PCDH15: variants seen among roughly 807,000 people sequenced by gnomAD.
PCDH15 encodes the protein protocadherin related 15, also known as protocadherin-15.
A neutral mutation model predicts 178.5 loss-of-function variants in PCDH15; 129 were observed. The observed-to-expected ratio is 0.72, with a 90% CI of 0.63 to 0.84. The LOEUF (loss-of-function observed/expected upper bound fraction) is 0.84, where lower values mean the gene tolerates loss of function less well. Ranked by LOEUF, PCDH15 falls within the 40% of genes least tolerant of loss-of-function variation. The probability of loss-of-function intolerance (pLI) is 0.00; values close to 1 mark genes in which losing one functional copy is unlikely to be tolerated. For synonymous variants in PCDH15, 800 were observed against 732.0 expected (o/e 1.09, Z -1.50); for missense variants, 2,230 against 2,099.9 (o/e 1.06, Z -1.21).
In PCDH15 at chr10:54,829,154, GGCATT is replaced by G. The variant is rs1953181212; in HGVS notation, c.-29+68291_-29+68295del. Among the ~76,000 whole-genome samples the G allele has an allele frequency of 1.3e-5, 2 of 151,976 alleles. 1 individual carries two copies. Among genetic ancestry groups the G allele is most frequent in the South Asian group, 4.1e-4 (2 of 4,824 alleles). ...GATTTTACCTCAAGTGTGATGAATAGGCATTGCAATGTTTTAAAAGAATTACTCTG... is the reference window on the plus strand; with the variant it reads ...GATTTTACCTCAAGTGTGATGAATAGGCAATGTTTTAAAAGAATTACTCTG... On this transcript the variant is annotated intron_variant, in intron 3 of 5. Coordinates refer to the PCDH15 transcript ENST00000458638.
At chr10:53,955,735 G>A (rs960464914) in intron 23 of PCDH15, among the ~76,000 whole-genome samples, 1 of 151,974 alleles carries the variant, frequency 6.6e-6, no homozygotes, top group African/African-American at 2.4e-5. Context: ...TTTTCACTAG[G>A]AGCAATCCCA....
At chr10:54,598,822 C>A (rs1046255803) in intron 2 of PCDH15, among the ~76,000 whole-genome samples, 2 of 152,034 alleles carry the variant, frequency 1.3e-5, no homozygotes, top group African/African-American at 4.8e-5. Context: ...CATTGCTATA[C>A]ATCAACAACA....
intron 10 of PCDH15, among the ~76,000 whole-genome samples, chr10:54,208,417 T>C (rs1564685565): frequency 6.6e-6 from 1 of 151,986 alleles, no homozygotes; most frequent in African/African-American, 2.4e-5. Flanking sequence ...TGTAATGCAA[T>C]TAGGAGAGGT....
chr10:54,867,713 C>T lies in PCDH15; in HGVS notation c.-29+29737G>A, dbSNP rs544491472. On this transcript the variant is annotated intron_variant, in intron 3 of 5. Transcript: ENST00000458638. The stretch of plus-strand genomic sequence containing the variant: ...TTGCAATTAATTCACTCTTTCTACT[C>T]CTTCTTGACCAAACATACTAGACTG... Among the ~76,000 whole-genome samples the T allele has an allele frequency of 2.0e-5, 3 of 152,154 alleles. No individual in the cohort carries two copies. The South Asian group carries it at 6.2e-4, about 32-fold the overall frequency.
intron 1 of PCDH15, among the ~76,000 whole-genome samples, chr10:55,207,723 C>T (rs1219328448): frequency 6.6e-6 from 1 of 152,070 alleles, no homozygotes; most frequent in African/African-American, 2.4e-5. Flanking sequence ...AGTCCCAGCA[C>T]TTGGGAGGCT....
intron 32 of PCDH15, chr10:53,822,489 G>A (rs1310620264): frequency 1.2e-6 from 2 of 1,607,928 alleles, no homozygotes; most frequent in Admixed American, 1.7e-5. Context: ...AGGGGGAAGG[G>A]GACAGGCAGA....
At chr10:54,796,720 T>C (rs1234353535) in intron 1 of PCDH15, among the ~76,000 whole-genome samples, 1 of 151,972 alleles carries the variant, frequency 6.6e-6, no homozygotes, top group Non-Finnish European at 1.5e-5. Flanking sequence ...TGTGTGACTA[T>C]CCCTGTATCT....
intron 14 of PCDH15, among the ~76,000 whole-genome samples, chr10:54,133,749 C>G (rs1305266850): frequency 6.6e-6 from 1 of 152,008 alleles, no homozygotes; most frequent in Non-Finnish European, 1.5e-5. Flanking sequence ...ACTGAAGAAG[C>G]ATGTTAGTCA....
chr10:54,519,709 C>T (rs1247078858), intron 3 of PCDH15, among the ~76,000 whole-genome samples: 1 of 152,150 alleles, frequency 6.6e-6, no homozygotes, highest in South Asian at 2.1e-4. Flanking sequence ...TTGGAAAAAC[C>T]TCCTTTAAAG....
At chr10:55,135,574 C>CTTTTTTTTTTTTTTT (rs56956557) in intron 2 of PCDH15, among the ~76,000 whole-genome samples, 3 of 68,220 alleles carry the variant, frequency 4.4e-5, no homozygotes, top group Non-Finnish European at 5.4e-5. Context: ...TCTTTTCTTT[C>CTTTTTTTTTTTTTTT]TTTTTTTTTT....
chr10:54,794,285 C>T (rs2133601132), intron 1 of PCDH15, among the ~76,000 whole-genome samples: 1 of 151,404 alleles, frequency 6.6e-6, no homozygotes, highest in East Asian at 1.9e-4. Context: ...TTACCATCTC[C>T]TAAAAAGTTA....
intron 1 of PCDH15, among the ~76,000 whole-genome samples, chr10:54,700,111 T>A (rs905487560): frequency 1.3e-5 from 2 of 152,050 alleles, no homozygotes; most frequent in African/African-American, 4.8e-5. Flanking sequence ...AAACTAATCT[T>A]TGGCCCCCTG....
chr10:53,831,638 C>T (rs2077022342), intron 29 of PCDH15, 105 bp from the exon 30 acceptor site: 1 of 814,422 alleles, frequency 1.2e-6, no homozygotes, highest in African/African-American at 1.7e-5. Flanking sequence ...CTAATTGAAA[C>T]ACAAGCTGAG....
intron 1 of PCDH15, among the ~76,000 whole-genome samples, chr10:55,236,006 C>T (rs1039708221): frequency 6.6e-6 from 1 of 150,714 alleles, no homozygotes; most frequent in East Asian, 2.0e-4. Flanking sequence ...TGTAAAACTG[C>T]TGGAACACAA....
intron 2 of PCDH15, among the ~76,000 whole-genome samples, chr10:55,608,795 G>A (rs1843290154): frequency 6.6e-6 from 1 of 152,058 alleles, no homozygotes; most frequent in East Asian, 1.9e-4. Flanking sequence ...TGTGGGATAA[G>A]AAAGCAATCA....
Position 55,442,467 on chromosome 10 carries a change from ATATTATATATATATTAT to A in PCDH15, c.-156+185141_-156+185157del, listed in dbSNP as rs1340655661. Among the ~76,000 whole-genome samples the A allele has an allele frequency of 6.3e-4, 31 of 49,138 alleles. No individual in the cohort carries two copies. In the South Asian group the frequency reaches 0.02, roughly 32 times the overall value. The allele number at this position is 49,138 out of a possible 152,430, so 32.2% of individuals were successfully genotyped here. ...TTTCTTAATTTGATTATATATATAT[ATATTATATATATATTAT>A]ATATATATATATATATGTAAGCTGG... On this transcript the variant is annotated intron_variant, in intron 2 of 5. Coordinates refer to the PCDH15 transcript ENST00000613346.
chr10:54,307,100 GTGTGTATATATATA>G (rs1385467243), intron 8 of PCDH15, among the ~76,000 whole-genome samples: 202 of 15,524 alleles, frequency 0.013, 26 homozygotes, highest in African/African-American at 0.051. Flanking sequence ...ATATGTGTGT[GTGTGTATATATATA>G]TATATATATA....
intron 3 of PCDH15, among the ~76,000 whole-genome samples, chr10:54,509,067 T>A (rs1413508739): frequency 6.6e-6 from 1 of 152,096 alleles, no homozygotes; most frequent in East Asian, 1.9e-4. Context: ...GCTCAAAAAT[T>A]TTCAGATTTT....
intron 1 of PCDH15, among the ~76,000 whole-genome samples, chr10:54,746,204 A>G (rs1414784323): frequency 1.3e-5 from 2 of 152,006 alleles, no homozygotes; most frequent in African/African-American, 2.4e-5. Context: ...GCCTTTCTCC[A>G]CCTGCTGGAT....
Sources: gnomAD v4.1 joint callset for allele counts (sites outside exome capture counted in the v4.1 genomes callset) on GRCh38, gnomAD v4.1.1 for gene constraint, MANE v1.5 for transcripts, NCBI Gene and HGNC (gene_info 2026-07-23, HGNC 2026-07-21) for gene names.